The following SYNE2 variants were observed in gnomAD, a reference collection of about 807,000 sequenced individuals.
The protein encoded by SYNE2 is spectrin repeat containing nuclear envelope protein 2, also known as nesprin-2.
Under a neutral mutation model 856.3 loss-of-function variants are expected in SYNE2, and 431 were observed. The observed-to-expected ratio is 0.50, with a 90% confidence interval of 0.47 to 0.55. SYNE2 has a LOEUF of 0.55. Ranked by LOEUF, SYNE2 falls within the 20% of genes least tolerant of loss-of-function variation. The probability of loss-of-function intolerance (pLI) is 0.00; values close to 1 mark genes in which losing one functional copy is unlikely to be tolerated. For missense variants in SYNE2, 8,129 were observed against 8,023.2 expected, an observed-to-expected ratio of 1.01 and a Z score of -0.50; for synonymous variants, 2,923 against 2,872.3, an observed-to-expected ratio of 1.02 and a Z score of -0.56.
intron 45 of SYNE2, among the ~76,000 whole-genome samples, chr14:64,039,588 T>G (rs921934132): frequency 6.6e-6 from 1 of 152,244 alleles, no homozygotes; most frequent in Non-Finnish European, 1.5e-5. Context: ...GAGTAGACGT[T>G]GTTGGCCATG....
chr14:64,037,644 GGGTACACC>G (rs1326957413), intron 45 of SYNE2, among the ~76,000 whole-genome samples: 3 of 150,654 alleles, frequency 2.0e-5, no homozygotes, highest in African/African-American at 7.3e-5. Context: ...ATGAGCTGTT[GGGTACACC>G]TCCCAGACAG....
rs1473650155 is a variant in SYNE2 at position 64,139,981 on chromosome 14, T to A, written c.14884T>A (p.Ser4962Thr). The change falls in exon 80 of 116, where the codon TCT (serine) becomes ACT (threonine). Residue 4962 changes from serine (S) to threonine (T), a missense_variant. This residue lies in a region of SYNE2 where 5,410 missense variants were observed against 5,284.8 expected (regional missense o/e 1.02). Coordinates refer to ENST00000555002, the MANE Select transcript of SYNE2 (RefSeq NM_182914.3). Reference sequence around the variant, plus strand: ...GGATCAGTTAACCAAGTGGTTGGAATCTTCCCAGCATACTCTGAATTACTG... The same window carrying A: ...GGATCAGTTAACCAAGTGGTTGGAAACTTCCCAGCATACTCTGAATTACTG... ...DSDQLTKWLE[S>T]SQHTLNYWKE... is the part of the protein sequence containing the mutation. The A allele has an allele frequency of 3.1e-6, 5 of 1,613,994 alleles. No homozygotes were observed. The highest frequency in any genetic ancestry group is 4.2e-6 in the Non-Finnish European group (5 of 1,179,998).
intron 2 of SYNE2, among the ~76,000 whole-genome samples, chr14:63,935,212 C>T (rs1441005382): frequency 2.0e-5 from 3 of 152,108 alleles, no homozygotes; most frequent in Admixed American, 2.0e-4. Context: ...CTCTCAAAAG[C>T]CTGAATTATC....
intron 96 of SYNE2, among the ~76,000 whole-genome samples, chr14:64,183,593 G>A (rs1235828544): frequency 1.3e-5 from 2 of 152,148 alleles, no homozygotes; most frequent in African/African-American, 4.8e-5. Context: ...GTAGCGAGCC[G>A]AGATCACGCC....
At chr14:63,907,820 T>C (rs2095426470) in intron 1 of SYNE2, among the ~76,000 whole-genome samples, 1 of 152,206 alleles carries the variant, frequency 6.6e-6, no homozygotes, top group African/African-American at 2.4e-5. Context: ...AAACAGCCTT[T>C]CTTTTTGGTT....
intron 100 of SYNE2, among the ~76,000 whole-genome samples, chr14:64,207,584 C>T (rs2098612902): frequency 6.6e-6 from 1 of 151,080 alleles, no homozygotes; most frequent in Admixed American, 6.6e-5. Flanking sequence ...ATAGTGGTCC[C>T]ATCTAGTAAT....
At chr14:64,029,366 A>C (rs1391611744) in intron 43 of SYNE2, among the ~76,000 whole-genome samples, 11 of 152,104 alleles carry the variant, frequency 7.2e-5, no homozygotes, top group Admixed American at 7.2e-4. Flanking sequence ...AGCTGTGGTC[A>C]TTGTATTTTC....
chr14:64,164,910 C>T (rs945490421), intron 89 of SYNE2, among the ~76,000 whole-genome samples: 1 of 151,592 alleles, frequency 6.6e-6, no homozygotes, highest in Non-Finnish European at 1.5e-5. Flanking sequence ...GACAGGGAGA[C>T]AGGGTCTTAT....
intron 25 of SYNE2, among the ~76,000 whole-genome samples, chr14:63,997,960 G>A (rs2096725687): frequency 1.3e-5 from 2 of 152,146 alleles, no homozygotes. Context: ...TTGACTATGG[G>A]TATGGAGTCT....
Position 63,912,814 on chromosome 14 carries a change from C to A in SYNE2, c.79+3587C>A, listed in dbSNP as rs2095488680. 3.9e-5 allele frequency among the ~76,000 whole-genome samples: 6 copies of A among 152,356 alleles called. No individual in the cohort carries two copies. In the South Asian group the frequency reaches 1.2e-3, roughly 32 times the overall value. ...CCTAAAAGGAATCAGCCCTGAAGAT[C>A]AGGCAGTGCTTTGCCGAAATTCATA... On this transcript the variant is annotated intron_variant, in intron 2 of 115. Coordinates refer to ENST00000555002, the MANE Select transcript of SYNE2 (RefSeq NM_182914.3).
chr14:64,097,778 G>T (rs1179458906), intron 61 of SYNE2, among the ~76,000 whole-genome samples, 171 bp from the exon 62 acceptor site: 1 of 152,218 alleles, frequency 6.6e-6, no homozygotes, highest in Non-Finnish European at 1.5e-5. Flanking sequence ...AGGACCTTTG[G>T]AATTGTATCC....
At chr14:63,934,457 T>G (rs564144825) in intron 2 of SYNE2, among the ~76,000 whole-genome samples, 1 of 152,106 alleles carries the variant, frequency 6.6e-6, no homozygotes, top group African/African-American at 2.4e-5. Context: ...CTGATTTTGC[T>G]GCCACTTTTC....
intron 71 of SYNE2, 106 bp downstream of exon 71, chr14:64,125,316 C>T: frequency 1.3e-6 from 2 of 1,490,662 alleles, no homozygotes; most frequent in East Asian, 2.4e-5. Flanking sequence ...AGTCATGGAA[C>T]ACATAATGGA....
intron 81 of SYNE2, 93 bp from the exon 82 acceptor site, chr14:64,141,849 G>A (rs1378597082): frequency 7.2e-7 from 1 of 1,389,472 alleles, no homozygotes; most frequent in Non-Finnish European, 9.8e-7. Flanking sequence ...TATATAGCAA[G>A]ACCTTTTATC....
chr14:64,052,778 T>C lies in SYNE2; in HGVS notation c.8865T>C (p.Leu2955=). The change falls in exon 48 of 116, where the codon CTT becomes CTC. Residue 2955 remains leucine, a synonymous_variant. Transcript: ENST00000555002. ...AATTCCATGAAAAAACATCAGCGCT[T>C]CAGGAGGAGGCTGACAGTATACAGC... ...CRQFHEKTSA[L]QEEADSIQRN... The C allele has an allele frequency of 6.2e-7, 1 of 1,612,540 alleles. No individual in the cohort carries two copies. Among genetic ancestry groups the C allele is most frequent in the Non-Finnish European group, 8.5e-7 (1 of 1,179,340 alleles).
chr14:64,022,422 G>T (rs1208414705), intron 37 of SYNE2, among the ~76,000 whole-genome samples: 1 of 152,086 alleles, frequency 6.6e-6, no homozygotes, highest in Non-Finnish European at 1.5e-5. Context: ...AATACTGGAG[G>T]CATAGAACTG....
chr14:63,944,281 TATATATATATATA>T (rs2095979237), intron 6 of SYNE2, among the ~76,000 whole-genome samples: 2 of 420 alleles, frequency 4.8e-3, no homozygotes, highest in Admixed American at 0.045. Flanking sequence ...TGAATTTTTA[TATATATATATATA>T]TATATATATA....
chr14:64,091,451 C>A (rs865961571), intron 60 of SYNE2, among the ~76,000 whole-genome samples: 1 of 151,170 alleles, frequency 6.6e-6, no homozygotes, highest in African/African-American at 2.4e-5. Flanking sequence ...GTAGAGTAGG[C>A]ACTTTATCTT....
At chr14:63,802,651 G>A (rs569648022) in intron 1 of SYNE2, among the ~76,000 whole-genome samples, 5 of 152,230 alleles carry the variant, frequency 3.3e-5, no homozygotes, top group Non-Finnish European at 5.9e-5. Flanking sequence ...CTGACTTCAA[G>A]AATGAAGCCG....
Sources: gnomAD v4.1 joint callset for allele counts (sites outside exome capture counted in the v4.1 genomes callset) on GRCh38, gnomAD v4.1.1 for gene constraint, gnomAD v4.1.1 regional missense constraint, MANE v1.5 for transcripts, NCBI Gene and HGNC (gene_info 2026-07-23, HGNC 2026-07-21) for gene names.